Variants in FANK1 observed in about 807,000 individuals in gnomAD.
FANK1 encodes fibronectin type 3 and ankyrin repeat domains protein 1.
A neutral mutation model predicts 45.3 loss-of-function variants in FANK1; 44 were observed. The observed-to-expected ratio is 0.97, with a 90% CI of 0.76 to 1.25. FANK1 has a LOEUF of 1.25. FANK1 is among the 50% of genes most tolerant of loss of function. The probability of loss-of-function intolerance (pLI) is 0.00; values close to 1 mark genes in which losing one functional copy is unlikely to be tolerated. For missense variants in FANK1, 391 were observed against 424.4 expected, an observed-to-expected ratio of 0.92 and a Z score of 0.69; for synonymous variants, 149 against 152.5, an observed-to-expected ratio of 0.98 and a Z score of 0.17.
intron 1 of FANK1, among the ~76,000 whole-genome samples, chr10:125,945,559 G>C (rs927312893): frequency 6.6e-6 from 1 of 152,150 alleles, no homozygotes; most frequent in African/African-American, 2.4e-5. Flanking sequence ...AAAAAACGGC[G>C]AACCACGAGA....
chr10:125,996,195 G>A (rs1590215170), intron 4 of FANK1, among the ~76,000 whole-genome samples: 1 of 152,184 alleles, frequency 6.6e-6, no homozygotes, highest in African/African-American at 2.4e-5. Flanking sequence ...ACTCATGTTC[G>A]GTAGAGCTGA....
At chr10:125,950,379 C>G (rs1337049596) in intron 1 of FANK1, among the ~76,000 whole-genome samples, 1 of 147,392 alleles carries the variant, frequency 6.8e-6, no homozygotes, top group African/African-American at 2.5e-5. Context: ...TGACAAAGGG[C>G]TAATATCCAG....
intron 2 of FANK1, among the ~76,000 whole-genome samples, chr10:125,982,876 T>A (rs1951309051): frequency 6.6e-6 from 1 of 151,996 alleles, no homozygotes; most frequent in Non-Finnish European, 1.5e-5. Context: ...CTCCTACACC[T>A]GCCCAGTGTA....
intron 7 of FANK1, among the ~76,000 whole-genome samples, chr10:126,007,787 G>A (rs1413925098): frequency 6.6e-6 from 1 of 152,176 alleles, no homozygotes; most frequent in Non-Finnish European, 1.5e-5. Flanking sequence ...GGAATTGGAA[G>A]CGACAATATT....
intron 1 of FANK1, among the ~76,000 whole-genome samples, chr10:125,928,704 C>A (rs578082604): frequency 6.6e-6 from 1 of 152,226 alleles, no homozygotes; most frequent in South Asian, 2.1e-4. Flanking sequence ...TCTGTAATGC[C>A]TAAGTAGGGA....
At chr10:126,008,230 C>T (rs1397289367) in intron 7 of FANK1, among the ~76,000 whole-genome samples, 177 bp from the exon 8 acceptor site, 2 of 152,112 alleles carry the variant, frequency 1.3e-5, no homozygotes, top group African/African-American at 2.4e-5. Context: ...GGTGGGGAGA[C>T]CCTGGGGCCT....
intron 1 of FANK1, among the ~76,000 whole-genome samples, chr10:125,967,444 A>G (rs1312290585): frequency 6.6e-6 from 1 of 152,236 alleles, no homozygotes. Context: ...AAGTCTTGTG[A>G]AAACTTAGCT....
intron 1 of FANK1, chr10:125,973,579 A>C (rs981481990): frequency 2.3e-6 from 1 of 426,422 alleles, no homozygotes; most frequent in Non-Finnish European, 3.1e-6. Flanking sequence ...TAAGAAAACC[A>C]AGAGGCCCAT....
At chr10:125,944,169 C>T (rs948431512) in intron 1 of FANK1, among the ~76,000 whole-genome samples, 36 of 152,266 alleles carry the variant, frequency 2.4e-4, no homozygotes, top group African/African-American at 6.7e-4. Context: ...GAGTAGCACA[C>T]GATAATGGCA....
chr10:125,955,854 A>G (rs1478593355), intron 1 of FANK1, among the ~76,000 whole-genome samples: 1 of 152,210 alleles, frequency 6.6e-6, no homozygotes, highest in Non-Finnish European at 1.5e-5. Context: ...AAAACAAATC[A>G]AGTTCCTTCC....
At chr10:125,945,568 GA>G (rs1325213229) in intron 1 of FANK1, among the ~76,000 whole-genome samples, 2 of 152,242 alleles carry the variant, frequency 1.3e-5, no homozygotes, top group Non-Finnish European at 2.9e-5. Flanking sequence ...CGAACCACGA[GA>G]TTATATCCCA....
intron 1 of FANK1, among the ~76,000 whole-genome samples, chr10:125,969,972 G>A (rs1205826267): frequency 6.6e-6 from 1 of 152,218 alleles, no homozygotes; most frequent in Admixed American, 6.5e-5. Flanking sequence ...GCATCCCAAG[G>A]CAGAAGAATT....
intron 4 of FANK1, among the ~76,000 whole-genome samples, chr10:125,995,927 G>T (rs1337386227): frequency 2.0e-5 from 3 of 152,232 alleles, no homozygotes; most frequent in Non-Finnish European, 2.9e-5. Context: ...AGCTGCTGCA[G>T]ATGAGATGTT....
chr10:125,969,271 T>A (rs1007852378), intron 1 of FANK1, among the ~76,000 whole-genome samples: 1 of 152,080 alleles, frequency 6.6e-6, no homozygotes, highest in African/African-American at 2.4e-5. Context: ...ACAAAATCTT[T>A]AGAAAAGTTA....
Position 125,912,179 on chromosome 10 carries a change from A to T in FANK1, c.13+15524A>T, listed in dbSNP as rs145671978. 4.6e-3 allele frequency among the ~76,000 whole-genome samples: 702 copies of T among 152,254 alleles called. 3 individuals are homozygous for T. The highest frequency in any genetic ancestry group is 0.016 in the African/African-American group (647 of 41,550). ...CTGGCACCTGATTCAGATCCTTCCC[A>T]CTAAGGTCAACAATACCCAGGCTCT... is the stretch of plus-strand genomic sequence containing the variant. On this transcript the variant is annotated intron_variant, in intron 1 of 10. Coordinates refer to ENST00000368693, the MANE Select transcript of FANK1 (RefSeq NM_145235.5).
At chr10:125,938,786 G>C (rs1948265141) in intron 1 of FANK1, among the ~76,000 whole-genome samples, 1 of 152,148 alleles carries the variant, frequency 6.6e-6, no homozygotes, top group Non-Finnish European at 1.5e-5. Flanking sequence ...TCCAGTCTGG[G>C]AGACAGTGAC....
intron 1 of FANK1, among the ~76,000 whole-genome samples, chr10:125,968,172 G>A (rs1950291767): frequency 6.6e-6 from 1 of 151,854 alleles, no homozygotes; most frequent in Non-Finnish European, 1.5e-5. Flanking sequence ...GGTTGCCTAG[G>A]CTGGTCTCTT....
rs184553741 is a variant in FANK1 at position 125,923,679 on chromosome 10, C to T, written c.13+27024C>T. Among the ~76,000 whole-genome samples, 1,225 of 151,930 alleles carry T rather than the reference C, an allele frequency of 8.1e-3. 4 individuals carry two copies. The highest frequency in any genetic ancestry group is 0.012 in the Non-Finnish European group (784 of 67,944). On this transcript the variant is annotated intron_variant, in intron 1 of 10. Coordinates refer to ENST00000368693, the MANE Select transcript of FANK1 (RefSeq NM_145235.5). ...AGTAGGTGGGACCACAGGCACGTGC[C>T]ACCATGCCCAGCTAATTTTTGTATT...
rs1421161570 is a variant in FANK1, at chr10:126,009,084, G to A, written c.880G>A (p.Val294Ile). The A allele has an allele frequency of 2.5e-6, 4 of 1,614,076 alleles. No individual in the cohort carries two copies. The highest frequency in any genetic ancestry group is 3.3e-5 in the Admixed American group (2 of 59,998). Reference sequence around the variant, plus strand: ...TGTGTTAAATAATCATGAAGAGTTAGTTCAGTTACTTCTTGACAAAGGGGC... The same window carrying A: ...TGTGTTAAATAATCATGAAGAGTTAATTCAGTTACTTCTTGACAAAGGGGC... ...VAVLNNHEEL[V>I]QLLLDKGADA... The change falls in exon 9 of 11, where the codon GTT becomes ATT. Residue 294 changes from valine (V) to isoleucine (I), a missense_variant. By Grantham distance (29) the Val-to-Ile change is conservative (BLOSUM62 3). Coordinates refer to ENST00000368693, the MANE Select transcript of FANK1 (RefSeq NM_145235.5).
Sources: gnomAD v4.1 joint callset for allele counts (sites outside exome capture counted in the v4.1 genomes callset) on GRCh38, gnomAD v4.1.1 for gene constraint, MANE v1.5 for transcripts, NCBI Gene and HGNC (gene_info 2026-07-23, HGNC 2026-07-21) for gene names.